Variants in FARP2 observed in about 807,000 individuals in gnomAD.
The protein encoded by FARP2 is FERM, ARH/RhoGEF and pleckstrin domain protein 2, also known as FERM, ARHGEF and pleckstrin domain-containing protein 2.
A neutral mutation model predicts 130.5 loss-of-function variants in FARP2; 111 were observed. The ratio of observed to expected loss-of-function variants is 0.85; its 90% CI spans 0.73 to 1.00. FARP2 has a LOEUF of 1.00. Ranked by LOEUF, FARP2 falls within the 50% of genes least tolerant of loss-of-function variation. The pLI is 0.00. For synonymous variants in FARP2, 504 were observed against 516.9 expected (o/e 0.98, Z 0.34); for missense variants, 1,385 against 1,346.3 (o/e 1.03, Z -0.45).
intron 14 of FARP2, among the ~76,000 whole-genome samples, chr2:241,461,336 C>T (rs2064012097): frequency 8.9e-6 from 1 of 111,738 alleles, no homozygotes; most frequent in Non-Finnish European, 2.1e-5. Context: ...CCGGCAGCCT[C>T]TCTGCCCTCC....
intron 17 of FARP2, chr2:241,465,394 T>G: frequency 2.4e-6 from 3 of 1,257,180 alleles, no homozygotes; most frequent in Non-Finnish European, 3.4e-6. Flanking sequence ...ATAGCTGCTG[T>G]GGGGAGGGCA....
At chr2:241,366,241 A>C (rs1192456616) in intron 1 of FARP2, among the ~76,000 whole-genome samples, 1 of 151,118 alleles carries the variant, frequency 6.6e-6, no homozygotes, top group African/African-American at 2.4e-5. Flanking sequence ...CAGCATATAC[A>C]GATCTTGCTT....
intron 2 of FARP2, among the ~76,000 whole-genome samples, chr2:241,382,932 T>TGAA (rs2061695768): frequency 6.6e-6 from 1 of 152,040 alleles, no homozygotes; most frequent in Admixed American, 6.5e-5. Flanking sequence ...TAAAAATAAC[T>TGAA]TAAGAGTTGG....
chr2:241,452,301 A>G (rs1559784186), intron 13 of FARP2, among the ~76,000 whole-genome samples: 1 of 152,204 alleles, frequency 6.6e-6, no homozygotes, highest in Non-Finnish European at 1.5e-5. Flanking sequence ...TTCCCCAGGG[A>G]TAAATGCAAC....
At chr2:241,491,745 C>A in intron 24 of FARP2, 66 bp downstream of exon 24, 1 of 1,486,092 alleles carries the variant, frequency 6.7e-7, no homozygotes, top group Non-Finnish European at 9.0e-7. Context: ...CACTTGGCTG[C>A]TGAGGAGGGG....
chr2:241,475,955 GT>G lies in FARP2; in HGVS notation c.2231del (p.Val744GlyfsTer3). On this transcript the variant is annotated frameshift_variant, in exon 19 of 27. Coordinates refer to ENST00000264042, the MANE Select transcript of FARP2 (RefSeq NM_014808.4). LOFTEE classifies it high-confidence loss of function. This position sits in a 1 kb window ranked among gnomAD's most constrained non-coding sequence, Gnocchi z 4.4. ...QKLTELQRDL[V>X]GIENLIAPGR... The stretch of plus-strand genomic sequence containing the variant: ...GCTAACGGAGCTGCAGCGGGACCTG[GT>G]GGGCATAGAGAACCTCATTGCTCCT... 6.2e-7 allele frequency: 1 copy of G among 1,614,076 alleles called. No individual in the cohort carries two copies. Among genetic ancestry groups the G allele is most frequent in the Non-Finnish European group, 8.5e-7 (1 of 1,179,950 alleles).
At chr2:241,457,994 G>A (rs2063908910) in intron 14 of FARP2, among the ~76,000 whole-genome samples, 2 of 152,160 alleles carry the variant, frequency 1.3e-5, no homozygotes. Flanking sequence ...AGAGATGATA[G>A]GAATAAGGGC....
intron 13 of FARP2, among the ~76,000 whole-genome samples, chr2:241,447,906 T>C (rs989750892): frequency 6.6e-6 from 1 of 152,170 alleles, no homozygotes; most frequent in Admixed American, 6.5e-5. Context: ...GTCAGGCGCC[T>C]CTGGGAAGGT....
Position 241,441,359 on chromosome 2 carries a change from C to A in FARP2, c.1214C>A (p.Ala405Asp). The A allele has an allele frequency of 6.2e-7, 1 of 1,613,836 alleles. No individual in the cohort carries two copies. Among genetic ancestry groups the A allele is most frequent in the Non-Finnish European group, 8.5e-7 (1 of 1,179,738 alleles). The change falls in exon 13 of 27, where the codon GCC becomes GAC. Residue 405 changes from alanine (A) to aspartate (D), a missense_variant. Ala to Asp is a moderately radical substitution (Grantham distance 126). Transcript: ENST00000264042. ...RTPASPSSAN[A>D]FYSLSPSTLV... ...CCTGCCTCCCCATCTTCAGCGAATG[C>A]CTTTTACTCGCTCTCTCCCTCCACT... is the stretch of plus-strand genomic sequence containing the variant.
At chr2:241,407,314 A>G (rs2062386421) in intron 4 of FARP2, among the ~76,000 whole-genome samples, 1 of 152,012 alleles carries the variant, frequency 6.6e-6, no homozygotes, top group South Asian at 2.1e-4. Flanking sequence ...GCAACCTCAG[A>G]CTGCTGGCCT....
chr2:241,407,384 A>AC (rs1448163967), intron 4 of FARP2, among the ~76,000 whole-genome samples, 153 bp from the exon 5 acceptor site: 1 of 152,124 alleles, frequency 6.6e-6, no homozygotes, highest in African/African-American at 2.4e-5. Flanking sequence ...ACACCACCAC[A>AC]CCTGGGCAGA....
chr2:241,454,079 C>T (rs550589481), intron 13 of FARP2, among the ~76,000 whole-genome samples: 2 of 152,058 alleles, frequency 1.3e-5, no homozygotes, highest in Non-Finnish European at 2.9e-5. Flanking sequence ...TCACCGCACC[C>T]GGCCAGGAGT....
intron 1 of FARP2, among the ~76,000 whole-genome samples, chr2:241,358,097 G>A (rs1050660168): frequency 1.2e-4 from 19 of 152,188 alleles, no homozygotes; most frequent in African/African-American, 9.7e-5. Flanking sequence ...GCTGAGGCAC[G>A]AGAATCACTT....
At chr2:241,364,728 T>G (rs1167813369) in intron 1 of FARP2, among the ~76,000 whole-genome samples, 1 of 152,206 alleles carries the variant, frequency 6.6e-6, no homozygotes, top group Non-Finnish European at 1.5e-5. Context: ...ATGCATGGAT[T>G]TACAGTTCTT....
In FARP2 at chr2:241,427,384, C is replaced by T. The variant is rs565176831; in HGVS notation, c.772-4295C>T. ...TTATTAAAGTATACAGGAAGCCCAG[C>T]GTGGTAGCTCAAGCCTGTAATCCCA... On this transcript the variant is annotated intron_variant, in intron 8 of 26. Coordinates refer to ENST00000264042, the MANE Select transcript of FARP2 (RefSeq NM_014808.4). 1.1e-4 allele frequency among the ~76,000 whole-genome samples: 17 copies of T among 152,182 alleles called. No homozygotes were observed. The East Asian group carries it at 1.4e-3, about 12-fold the overall frequency.
chr2:241,494,232 G>A lies in FARP2; in HGVS notation c.*107G>A, dbSNP rs2065042159. 1 of 609,512 alleles carries A rather than the reference G, an allele frequency of 1.6e-6. No individual in the cohort carries two copies. Among genetic ancestry groups the A allele is most frequent in the South Asian group, 4.6e-5 (1 of 21,796 alleles). The allele number at this position is 609,512 out of a possible 1,614,324, so 37.8% of individuals were successfully genotyped here. On this transcript the variant is annotated 3_prime_UTR_variant, in exon 27 of 27. Coordinates refer to ENST00000264042, the MANE Select transcript of FARP2 (RefSeq NM_014808.4). This position sits in a 1 kb window ranked among gnomAD's most constrained non-coding sequence, Gnocchi z 4.9. ...GATGGGAAGTGGCTGTGGTCTCACT[G>A]GATCCCCACTGGCACCAGCAGTGTG...
intron 2 of FARP2, among the ~76,000 whole-genome samples, chr2:241,386,578 A>G (rs2061788988): frequency 6.6e-6 from 1 of 152,210 alleles, no homozygotes; most frequent in Non-Finnish European, 1.5e-5. Context: ...AGGTTTGGAA[A>G]GCCCCCTGGG....
At chr2:241,490,947 C>T in intron 22 of FARP2, 114 bp from the exon 23 acceptor site, 1 of 781,964 alleles carries the variant, frequency 1.3e-6, no homozygotes, top group Non-Finnish European at 2.3e-6. Flanking sequence ...TCTCACCAGG[C>T]AGGACAAAGC....
chr2:241,461,673 C>T (rs1408114992), intron 14 of FARP2, among the ~76,000 whole-genome samples: 3 of 152,212 alleles, frequency 2.0e-5, no homozygotes, highest in African/African-American at 7.2e-5. Flanking sequence ...GGCGCCTATT[C>T]GGAGCTGACA....
Sources: gnomAD v4.1 joint callset for allele counts (sites outside exome capture counted in the v4.1 genomes callset) on GRCh38, gnomAD v4.1.1 for gene constraint, Gnocchi (gnomAD v3.1) non-coding constraint, MANE v1.5 for transcripts, NCBI Gene and HGNC (gene_info 2026-07-23, HGNC 2026-07-21) for gene names.